Variants in SHCBP1L observed in about 807,000 individuals in gnomAD.
SHCBP1L encodes testicular spindle-associated protein SHCBP1L.
In SHCBP1L, 67 loss-of-function variants were observed where a neutral mutation model predicts 62.5. The ratio of observed to expected loss-of-function variants is 1.07; its 90% CI spans 0.88 to 1.31. SHCBP1L has a LOEUF of 1.31. SHCBP1L is among the 40% of genes most tolerant of loss of function. The pLI, the probability that SHCBP1L is intolerant of heterozygous loss-of-function variation, is 0.00. For missense variants in SHCBP1L, 823 were observed against 809.8 expected, an observed-to-expected ratio of 1.02 and a Z score of -0.20; for synonymous variants, 284 against 289.4, an observed-to-expected ratio of 0.98 and a Z score of 0.19.
At chr1:182,920,336 C>T (rs1359428430) in intron 6 of SHCBP1L, among the ~76,000 whole-genome samples, 2 of 152,148 alleles carry the variant, frequency 1.3e-5, no homozygotes, top group Non-Finnish European at 2.9e-5. Context: ...CCCCTGACAT[C>T]TTCCAGAAAT....
intron 1 of SHCBP1L, chr1:182,952,425 C>A: frequency 3.1e-6 from 1 of 324,412 alleles, no homozygotes; most frequent in Non-Finnish European, 5.6e-6. Context: ...AAGATTCATG[C>A]CTGTGCAATG....
At chr1:182,905,344 G>C (rs944828237) in intron 7 of SHCBP1L, 152 bp downstream of exon 7, 1 of 788,954 alleles carries the variant, frequency 1.3e-6, no homozygotes, top group Non-Finnish European at 1.9e-6. Flanking sequence ...AAAATATGAC[G>C]AACATGTCTT....
intron 9 of SHCBP1L, among the ~76,000 whole-genome samples, chr1:182,900,715 G>A (rs1287977951): frequency 6.6e-6 from 1 of 152,100 alleles, no homozygotes; most frequent in African/African-American, 2.4e-5. Flanking sequence ...ACACGCGTGA[G>A]CCACCATGCC....
chr1:182,922,661 A>G (rs895891512), intron 6 of SHCBP1L, among the ~76,000 whole-genome samples: 6 of 152,198 alleles, frequency 3.9e-5, no homozygotes, highest in Non-Finnish European at 8.8e-5. Flanking sequence ...TAAACACTGA[A>G]ATTAACACAG....
Position 182,928,941 on chromosome 1 carries a change from T to C in SHCBP1L, c.1182+706A>G, listed in dbSNP as rs910673640. Among the ~76,000 whole-genome samples, 8 of 151,986 alleles carry C rather than the reference T, an allele frequency of 5.3e-5. No homozygotes were observed. In the East Asian group the frequency reaches 1.2e-3, roughly 22 times the overall value. ...TTAGCTAAATCACTTTGGGATAATA[T>C]AGTGCATAAAAAAGACAAGTACCAA... On this transcript the variant is annotated intron_variant, in intron 6 of 9. Coordinates refer to ENST00000367547, the MANE Select transcript of SHCBP1L (RefSeq NM_030933.4).
At chr1:182,937,856 C>G (rs1356737870) in intron 5 of SHCBP1L, among the ~76,000 whole-genome samples, 1 of 152,150 alleles carries the variant, frequency 6.6e-6, no homozygotes. Context: ...CAAAATCATA[C>G]CTGAGTCTCT....
chr1:182,909,580 AT>A (rs896520505), intron 6 of SHCBP1L, among the ~76,000 whole-genome samples: 1 of 152,188 alleles, frequency 6.6e-6, no homozygotes, highest in Non-Finnish European at 1.5e-5. Context: ...TTATACACAG[AT>A]TTTTTTCAAC....
chr1:182,908,621 A>C (rs1465868425), intron 6 of SHCBP1L, among the ~76,000 whole-genome samples: 1 of 152,204 alleles, frequency 6.6e-6, no homozygotes, highest in Non-Finnish European at 1.5e-5. Flanking sequence ...GATATATTAC[A>C]ACTCATGTTA....
At chr1:182,945,056 C>T (rs760188811) in intron 2 of SHCBP1L, among the ~76,000 whole-genome samples, 1 of 150,240 alleles carries the variant, frequency 6.7e-6, no homozygotes. Flanking sequence ...CTCTGCCTCC[C>T]GGGTTCAAGC....
intron 5 of SHCBP1L, among the ~76,000 whole-genome samples, chr1:182,931,370 G>A (rs995738981): frequency 6.6e-6 from 1 of 151,922 alleles, no homozygotes; most frequent in Non-Finnish European, 1.5e-5. Context: ...ATATATAGGT[G>A]TTTTTTAATC....
At chr1:182,923,284 A>G (rs1650578316) in intron 6 of SHCBP1L, among the ~76,000 whole-genome samples, 1 of 152,212 alleles carries the variant, frequency 6.6e-6, no homozygotes, top group Admixed American at 6.5e-5. Context: ...AGACAAATTT[A>G]CAGCTGAATT....
At chr1:182,935,328 T>C (rs1200961369) in intron 5 of SHCBP1L, among the ~76,000 whole-genome samples, 1 of 152,204 alleles carries the variant, frequency 6.6e-6, no homozygotes, top group Non-Finnish European at 1.5e-5. Context: ...TATCTCTCCA[T>C]TTATTGTCAT....
At position 182,913,254 on chromosome 1, in the gene SHCBP1L, T is replaced by A. The variant is rs111685934; in HGVS notation, c.1183-7605A>T. Among the ~76,000 whole-genome samples, 4 of 152,108 alleles carry A rather than the reference T, an allele frequency of 2.6e-5. No individual in the cohort carries two copies. The South Asian group carries it at 8.3e-4, about 32-fold the overall frequency. ...GAGTTGTGAGAACCCCAACTTGAAGTCAGTCAGTCAGAAGTTCTGGAGGCC... is the reference window on the plus strand; with the variant it reads ...GAGTTGTGAGAACCCCAACTTGAAGACAGTCAGTCAGAAGTTCTGGAGGCC... On this transcript the variant is annotated intron_variant, in intron 6 of 9. Coordinates refer to ENST00000367547, the MANE Select transcript of SHCBP1L (RefSeq NM_030933.4).
intron 1 of SHCBP1L, 161 bp downstream of exon 1, chr1:182,952,568 A>T: frequency 1.2e-6 from 1 of 816,488 alleles, no homozygotes; most frequent in Non-Finnish European, 1.8e-6. Context: ...ACCTCTAACA[A>T]GGTGAACGCT....
rs1412987551 is a variant in SHCBP1L at position 182,900,225 on chromosome 1, C to A, written c.1720G>T (p.Ala574Ser). 1 of 1,547,322 alleles carries A rather than the reference C, an allele frequency of 6.5e-7. No homozygotes were observed. The highest frequency in any genetic ancestry group is 8.7e-7 in the Non-Finnish European group (1 of 1,149,710). Residue 574 changes from alanine (A) to serine (S), a missense_variant, in exon 10 of 10, where the codon GCA becomes TCA. Physicochemically the swap from Ala to Ser is moderately conservative, Grantham distance 99. Transcript: ENST00000367547. Reference protein sequence around the residue: ...LGGVNMKVLPAPKLKMTNNHI... With the variant: ...LGGVNMKVLPSPKLKMTNNHI... ...TTATTAGTCATCTTCAATTTGGGTG[C>A]TGGAAGAACCTATTAAATTATTTGA...
intron 5 of SHCBP1L, among the ~76,000 whole-genome samples, chr1:182,930,689 G>GTATATATATATA (rs1235603214): frequency 1.3e-5 from 1 of 77,454 alleles, no homozygotes; most frequent in African/African-American, 8.2e-5. Context: ...GTGTGTGTGT[G>GTATATATATATA]TGTGTGTGTG....
At chr1:182,913,171 A>G (rs2101926000) in intron 6 of SHCBP1L, among the ~76,000 whole-genome samples, 1 of 152,214 alleles carries the variant, frequency 6.6e-6, no homozygotes, top group African/African-American at 2.4e-5. Flanking sequence ...ACTGGTAAAC[A>G]TAAATGTTTC....
chr1:182,922,285 C>T (rs181684176), intron 6 of SHCBP1L, among the ~76,000 whole-genome samples: 9 of 152,244 alleles, frequency 5.9e-5, no homozygotes, highest in African/African-American at 1.7e-4. Flanking sequence ...GAACTCTACA[C>T]GACCAAATGG....
Position 182,939,549 on chromosome 1 carries a change from A to T in SHCBP1L, c.775T>A (p.Phe259Ile), listed in dbSNP as rs367637527. The T allele has an allele frequency of 5.6e-6, 9 of 1,599,546 alleles. No individual in the cohort carries two copies. The highest frequency in any genetic ancestry group is 2.7e-5 in the African/African-American group (2 of 74,044). Residue 259 changes from phenylalanine (F) to isoleucine (I), a missense_variant, in exon 4 of 10, where the codon TTT (phenylalanine) becomes ATT (isoleucine). Physicochemically the swap from Phe to Ile is conservative, Grantham distance 21 (BLOSUM62 0). Coordinates refer to ENST00000367547, the MANE Select transcript of SHCBP1L (RefSeq NM_030933.4). ...IALALEVVRF[F>I]YDFLWRDWDD... ...CAGTCTCTCCAAAGAAAGTCATAAAAAAACCTACGATAAACCAAATTAAGA... is the reference window on the plus strand; with the variant it reads ...CAGTCTCTCCAAAGAAAGTCATAAATAAACCTACGATAAACCAAATTAAGA...
Sources: gnomAD v4.1 joint callset for allele counts (sites outside exome capture counted in the v4.1 genomes callset) on GRCh38, gnomAD v4.1.1 for gene constraint, MANE v1.5 for transcripts, NCBI Gene and HGNC (gene_info 2026-07-23, HGNC 2026-07-21) for gene names.